The following FUT9 variants were observed in gnomAD, a reference collection of about 807,000 sequenced individuals.
FUT9 encodes fucosyltransferase 9.
In FUT9, 15 loss-of-function variants were observed where a neutral mutation model predicts 29.7. The ratio of observed to expected loss-of-function variants is 0.51; its 90% CI spans 0.34 to 0.78. The LOEUF (loss-of-function observed/expected upper bound fraction) is 0.78. Among genes scored for constraint, FUT9 ranks in the 30% least tolerant of loss-of-function variants. The probability of loss-of-function intolerance (pLI) is 0.01; values close to 1 mark genes in which losing one functional copy is unlikely to be tolerated. For missense variants in FUT9, 319 were observed against 425.4 expected (o/e 0.75, Z 2.20); for synonymous variants, 169 against 153.7 (o/e 1.10, Z -0.74).
chr6:96,077,484 T>C (rs1211251787), intron 1 of FUT9, among the ~76,000 whole-genome samples: 1 of 152,182 alleles, frequency 6.6e-6, no homozygotes, highest in Non-Finnish European at 1.5e-5. Context: ...TTTAATGTAA[T>C]TTTTAAAAAC....
At chr6:96,161,164 A>G (rs1562147303) in intron 2 of FUT9, among the ~76,000 whole-genome samples, 1 of 152,192 alleles carries the variant, frequency 6.6e-6, no homozygotes, top group Non-Finnish European at 1.5e-5. Context: ...CCCCAAATTT[A>G]TATGTCAAAA....
chr6:96,050,527 G>T (rs548339471), intron 1 of FUT9, among the ~76,000 whole-genome samples: 1 of 152,222 alleles, frequency 6.6e-6, no homozygotes, highest in South Asian at 2.1e-4. Context: ...TGATATTTTT[G>T]TGAAATACAA....
chr6:96,203,160 C>T lies in FUT9; in HGVS notation c.5C>T (p.Thr2Ile), dbSNP rs914366863. Residue 2 changes from threonine to isoleucine, a missense_variant, in exon 3 of 3, where the codon ACA becomes ATA. Coordinates refer to ENST00000302103, the MANE Select transcript of FUT9 (RefSeq NM_006581.4). Reference protein sequence around the residue: MTSTSKGILRPF... With the variant: MISTSKGILRPF... The stretch of plus-strand genomic sequence containing the variant: ...CTCTATTTCGTAGGAAAAATTATGA[C>T]ATCAACATCCAAAGGAATTCTTCGC... 1.3e-6 allele frequency: 2 copies of T among 1,589,118 alleles called. No individual in the cohort carries two copies. Among genetic ancestry groups the T allele is most frequent in the South Asian group, 2.2e-5 (2 of 89,606 alleles).
intron 2 of FUT9, among the ~76,000 whole-genome samples, chr6:96,132,122 C>T (rs552135167): frequency 2.0e-5 from 3 of 152,072 alleles, no homozygotes; most frequent in Non-Finnish European, 4.4e-5. Flanking sequence ...TTTTCTCATC[C>T]TAACATTTAC....
Position 96,203,863 on chromosome 6 carries a change from T to A in FUT9, c.708T>A (p.Ser236=), listed in dbSNP as rs747690493. The change falls in exon 3 of 3, where the codon TCT becomes TCA. Residue 236 remains serine (S), a synonymous_variant. Coordinates refer to ENST00000302103, the MANE Select transcript of FUT9 (RefSeq NM_006581.4). ...ATAAAAATTTGATTCCTACCATATC[T>A]ACTTGTAAATTTTATCTTTCCTTTG... ...VNDKNLIPTI[S]TCKFYLSFEN... is the part of the protein sequence containing the mutation. The A allele has an allele frequency of 3.1e-6, 5 of 1,611,118 alleles. No homozygotes were observed. The East Asian group carries it at 1.1e-4, about 36-fold the overall frequency.
At chr6:96,113,853 CAAAA>C (rs11316093) in intron 1 of FUT9, among the ~76,000 whole-genome samples, 182 bp from the exon 2 acceptor site, 7 of 124,748 alleles carry the variant, frequency 5.6e-5, no homozygotes, top group African/African-American at 6.5e-5. Flanking sequence ...GACTCCATCT[CAAAA>C]AAAAAAAAAA....
At chr6:96,110,427 G>A (rs906811698) in intron 1 of FUT9, among the ~76,000 whole-genome samples, 6 of 152,070 alleles carry the variant, frequency 3.9e-5, no homozygotes, top group Non-Finnish European at 7.4e-5. Flanking sequence ...ACTGCTACTT[G>A]GGATCCACAT....
chr6:96,031,878 A>G (rs922379022), intron 1 of FUT9, among the ~76,000 whole-genome samples: 11 of 151,538 alleles, frequency 7.3e-5, no homozygotes, highest in African/African-American at 2.7e-4. Flanking sequence ...CTTTACTTCA[A>G]TTGGTTTGAG....
chr6:96,039,393 C>T (rs1217079866), intron 1 of FUT9, among the ~76,000 whole-genome samples: 2 of 152,116 alleles, frequency 1.3e-5, no homozygotes, highest in Non-Finnish European at 2.9e-5. Flanking sequence ...ACTACCTACT[C>T]TCCATTAGCT....
At chr6:96,056,587 A>G (rs1770773205) in intron 1 of FUT9, among the ~76,000 whole-genome samples, 1 of 152,086 alleles carries the variant, frequency 6.6e-6, no homozygotes, top group Non-Finnish European at 1.5e-5. Context: ...CCTAGTATCC[A>G]ACAAAATAAG....
intron 1 of FUT9, among the ~76,000 whole-genome samples, chr6:96,064,869 T>C (rs1190687539): frequency 1.3e-5 from 2 of 152,270 alleles, no homozygotes; most frequent in South Asian, 2.1e-4. Flanking sequence ...AGAAAGCTGC[T>C]GTGCTAGCCA....
At chr6:96,161,980 C>T (rs11156254) in intron 2 of FUT9, among the ~76,000 whole-genome samples, 21,283 of 152,188 alleles carry the variant, frequency 0.14, 1,685 homozygotes, top group Non-Finnish European at 0.18. Context: ...CTGATGAACT[C>T]ATCAAAGGCA....
intron 1 of FUT9, among the ~76,000 whole-genome samples, chr6:96,085,260 G>T (rs779639501): frequency 1.1e-4 from 17 of 152,126 alleles, no homozygotes; most frequent in Non-Finnish European, 1.2e-4. Flanking sequence ...CAATAAGAAT[G>T]TATTTCTTAT....
chr6:96,201,793 G>T lies in FUT9; in HGVS notation c.-8-1355G>T, dbSNP rs533306925. Among the ~76,000 whole-genome samples, 41 of 150,950 alleles carry T rather than the reference G, an allele frequency of 2.7e-4. No individual in the cohort carries two copies. In the South Asian group the frequency reaches 7.7e-3, roughly 28 times the overall value. ...CTGAAACCAACTTTGACAGGAAGCT[G>T]CAATCTCTGATTCCAATACCTTAGT... On this transcript the variant is annotated intron_variant, in intron 2 of 2. Transcript: ENST00000302103.
intron 1 of FUT9, among the ~76,000 whole-genome samples, chr6:96,051,590 T>C (rs1051230850): frequency 1.3e-5 from 2 of 151,896 alleles, no homozygotes; most frequent in East Asian, 1.9e-4. Flanking sequence ...GAAGTCAAGA[T>C]TGCAGTAAGC....
chr6:96,055,845 G>A (rs373872842), intron 1 of FUT9, among the ~76,000 whole-genome samples: 297 of 151,390 alleles, frequency 2.0e-3, no homozygotes, highest in Non-Finnish European at 2.6e-3. Context: ...GACCCTGGCC[G>A]GACTCTAGAC....
chr6:96,144,601 T>A (rs1453185780), intron 2 of FUT9, among the ~76,000 whole-genome samples: 2 of 152,196 alleles, frequency 1.3e-5, no homozygotes, highest in African/African-American at 4.8e-5. Context: ...AAAAACACCA[T>A]GGATCTCCGT....
chr6:96,041,761 T>C (rs1388009080), intron 1 of FUT9, among the ~76,000 whole-genome samples: 4 of 152,356 alleles, frequency 2.6e-5, no homozygotes, highest in African/African-American at 7.2e-5. Context: ...TCTGTTGATA[T>C]ATCTACAGTC....
At chr6:96,026,909 C>T (rs1375335646) in intron 1 of FUT9, among the ~76,000 whole-genome samples, 1 of 151,592 alleles carries the variant, frequency 6.6e-6, no homozygotes, top group African/African-American at 2.4e-5. Flanking sequence ...TGCCTACCTC[C>T]CCAACTGAAG....
Sources: gnomAD v4.1 joint callset for allele counts (sites outside exome capture counted in the v4.1 genomes callset) on GRCh38, gnomAD v4.1.1 for gene constraint, MANE v1.5 for transcripts, NCBI Gene and HGNC (gene_info 2026-07-23, HGNC 2026-07-21) for gene names.